The following C15orf40 variants were observed in gnomAD, a reference collection of about 807,000 sequenced individuals.
C15orf40 encodes the protein chromosome 15 open reading frame 40, also known as UPF0235 protein C15orf40.
C15orf40 carries 9 observed loss-of-function variants against 13.9 expected under a neutral mutation model. The observed-to-expected ratio is 0.65, with a 90% CI of 0.39 to 1.13. C15orf40 has a LOEUF of 1.13. C15orf40 is among the 50% of genes most tolerant of loss of function. The pLI, the probability that C15orf40 is intolerant of heterozygous loss-of-function variation, is 0.01. For missense variants in C15orf40, 225 were observed against 188.5 expected (o/e 1.19, Z -1.13); for synonymous variants, 95 against 69.2 (o/e 1.37, Z -1.85).
At position 83,008,590 on chromosome 15, in the gene C15orf40, G is replaced by A. The variant is rs2031826585; in HGVS notation, c.324C>T (p.Ser108=). ...CACTCTTCCTGAGTTCTAGGACCTT[G>A]GAAAGATACCGACAGAGCTCAGCAT... ...EANAELCRYL[S]KVLELRKSDV... The change falls in exon 3 of 4, where the codon TCC becomes TCT. Residue 108 remains serine, a synonymous_variant. Coordinates refer to ENST00000304177, the MANE Select transcript of C15orf40 (RefSeq NM_144597.3). 1 of 1,613,750 alleles carries A rather than the reference G, an allele frequency of 6.2e-7. No individual in the cohort carries two copies. The highest frequency in any genetic ancestry group is 8.5e-7 in the Non-Finnish European group (1 of 1,179,936).
At chr15:82,992,861 T>C (rs1314070968), downstream of C15orf40, among the ~76,000 whole-genome samples, 1 of 152,238 alleles carries the variant, frequency 6.6e-6, no homozygotes, top group African/African-American at 2.4e-5. Flanking sequence ...GGTTTTTGTT[T>C]TTTAACAGCA....
Position 83,004,381 on chromosome 15 carries a change from G to A in C15orf40, c.*1216C>T. 1 of 984,810 alleles carries A rather than the reference G, an allele frequency of 1.0e-6. No individual in the cohort carries two copies. Among genetic ancestry groups the A allele is most frequent in the African/African-American group, 1.7e-5 (1 of 57,348 alleles). 61.0% of individuals were successfully genotyped at this position (984,810 alleles called of 1,614,324 possible). On this transcript the variant is annotated 3_prime_UTR_variant, in exon 4 of 4. Transcript: ENST00000304177. ...TACTTGCTGGACAAAGCGCACAACT[G>A]CAGATCAGCTCTCCTGATCAGCAAA...
In C15orf40 at chr15:83,005,712, G is replaced by A. The variant is rs2151286788; in HGVS notation, c.367-20C>T. The stretch of plus-strand genomic sequence containing the variant: ...ACCACCCTGGACCAAAAGAGAAAAA[G>A]CATACTTTACTGTTTAGCACATTCT... On this transcript the variant is annotated intron_variant, in intron 3 of 3. Transcript: ENST00000304177. 6.2e-7 allele frequency: 1 copy of A among 1,608,228 alleles called. No individual in the cohort carries two copies. The highest frequency in any genetic ancestry group is 8.5e-7 in the Non-Finnish European group (1 of 1,177,822).
At position 83,008,565 on chromosome 15, in the gene C15orf40, C is replaced by T; in HGVS notation, c.349G>A (p.Asp117Asn). Residue 117 changes from aspartate (D) to asparagine (N), a missense_variant, in exon 3 of 4, where the codon GAT (aspartate) becomes AAT (asparagine). By Grantham distance (23) the Asp-to-Asn change is conservative. Coordinates refer to ENST00000304177, the MANE Select transcript of C15orf40 (RefSeq NM_144597.3). ...LSKVLELRKS[D>N]VVLDKGGKSR... ...AGACCTACCTTATCCAAAACCACAT[C>T]ACTCTTCCTGAGTTCTAGGACCTTG... 4 of 1,613,506 alleles carry T rather than the reference C, an allele frequency of 2.5e-6. No homozygotes were observed. Among genetic ancestry groups the T allele is most frequent in the Non-Finnish European group, 3.4e-6 (4 of 1,179,742 alleles).
At chr15:82,990,940 T>C (rs903922998), downstream of C15orf40, 5 of 289,468 alleles carry the variant, frequency 1.7e-5, no homozygotes, top group Admixed American at 4.8e-5. Flanking sequence ...CTCCTATAAA[T>C]AGTGATGCTA....
chr15:83,006,720 T>G (rs2031704773), intron 3 of C15orf40, among the ~76,000 whole-genome samples: 1 of 152,150 alleles, frequency 6.6e-6, no homozygotes. Flanking sequence ...GAGCCGAGAT[T>G]GCGCCATCGC....
At chr15:83,005,824 A>C (rs1014116602) in intron 3 of C15orf40, 132 bp from the exon 4 acceptor site, 8 of 1,295,066 alleles carry the variant, frequency 6.2e-6, no homozygotes, top group Middle Eastern at 2.9e-4. Flanking sequence ...ACCAAAGACT[A>C]TCTCTTAGAT....
downstream of C15orf40, chr15:82,992,133 T>C (rs1596397433): frequency 2.7e-6 from 1 of 370,498 alleles, no homozygotes; most frequent in South Asian, 2.0e-5. Flanking sequence ...GGAGGCTCCC[T>C]TGAGTCCGGG....
chr15:83,009,728 GAAAGCCTCT>G (rs1269731927), intron 2 of C15orf40, among the ~76,000 whole-genome samples: 1 of 152,192 alleles, frequency 6.6e-6, no homozygotes, highest in Admixed American at 6.5e-5. Flanking sequence ...AGAATAGCCT[GAAAGCCTCT>G]AACTTAGTCC....
At position 82,994,820 on chromosome 15, in the gene C15orf40, A is replaced by G. The variant is rs2030985849; in HGVS notation, c.*10777T>C. ...TGTGAAAAATTATATAAGGTACTCAAAGAATCTTCGTTCTGTTTATTTATG... is the reference window on the plus strand; with the variant it reads ...TGTGAAAAATTATATAAGGTACTCAGAGAATCTTCGTTCTGTTTATTTATG... On this transcript the variant is annotated 3_prime_UTR_variant, in exon 4 of 4. Transcript: ENST00000304177. 6.6e-6 allele frequency: 1 copy of G among 152,198 alleles called. No homozygotes were observed. Among genetic ancestry groups the G allele is most frequent in the African/African-American group, 2.4e-5 (1 of 41,460 alleles). 9.4% of individuals were successfully genotyped at this position (152,198 alleles called of 1,614,324 possible). A position where few individuals can be genotyped will look rare whatever the true frequency, so the allele number is the denominator to read the frequency against.
downstream of C15orf40, chr15:82,994,757 G>T: frequency 6.6e-6 from 1 of 151,954 alleles, no homozygotes; most frequent in Admixed American, 6.6e-5. Flanking sequence ...ATATAAATGA[G>T]GATTTTGAAA....
rs560337052 is a variant in C15orf40, at chr15:83,009,979, A to G, written c.238+258T>C. On this transcript the variant is annotated intron_variant, in intron 2 of 3. Coordinates refer to ENST00000304177, the MANE Select transcript of C15orf40 (RefSeq NM_144597.3). ...TAATCCAGACTACACACAAGTTTCCATAACTGTCCTTTCTAAAATACTGTA... is the reference window on the plus strand; with the variant it reads ...TAATCCAGACTACACACAAGTTTCCGTAACTGTCCTTTCTAAAATACTGTA... Among the ~76,000 whole-genome samples the G allele has an allele frequency of 5.3e-5, 8 of 152,340 alleles. No individual in the cohort carries two copies. In the South Asian group the frequency reaches 1.4e-3, roughly 28 times the overall value.
In C15orf40 at chr15:82,995,946, CAAG is replaced by C. The variant is rs2031051071; in HGVS notation, c.*9648_*9650del. 3 of 152,290 alleles carry C rather than the reference CAAG, an allele frequency of 2.0e-5. No homozygotes were observed. Among genetic ancestry groups the C allele is most frequent in the Admixed American group, 1.3e-4 (2 of 15,280 alleles). 9.4% of individuals were successfully genotyped at this position (152,290 alleles called of 1,614,324 possible). On this transcript the variant is annotated 3_prime_UTR_variant, in exon 4 of 4. Coordinates refer to ENST00000304177, the MANE Select transcript of C15orf40 (RefSeq NM_144597.3). ...GAGTTATCTGTGGGCTGCTTAGGTG[CAAG>C]AAGGACAAGTCGCATAATTTTCACC...
At position 83,001,092 on chromosome 15, in the gene C15orf40, C is replaced by T. The variant is rs995966982; in HGVS notation, c.*4505G>A. On this transcript the variant is annotated 3_prime_UTR_variant, in exon 4 of 4. Transcript: ENST00000304177. Reference sequence around the variant, plus strand: ...CCTCCCAAAGTGCTGGGATTACAGGCATAAGCCACTGCACTGGCCTAGGTG... The same window carrying T: ...CCTCCCAAAGTGCTGGGATTACAGGTATAAGCCACTGCACTGGCCTAGGTG... The T allele has an allele frequency of 5.1e-6, 5 of 985,320 alleles. No homozygotes were observed. Among genetic ancestry groups the T allele is most frequent in the Admixed American group, 6.1e-5 (1 of 16,276 alleles). The allele number at this position is 985,320 out of a possible 1,614,324, so 61.0% of individuals were successfully genotyped here. A position where few individuals can be genotyped will look rare whatever the true frequency, so the allele number is the denominator to read the frequency against.
Position 83,003,624 on chromosome 15 carries a change from AAACCAAGC to A in C15orf40, c.*1965_*1972del, listed in dbSNP as rs1264304294. The A allele has an allele frequency of 6.6e-6, 1 of 152,252 alleles. No homozygotes were observed. Among genetic ancestry groups the A allele is most frequent in the Non-Finnish European group, 1.5e-5 (1 of 68,050 alleles). 9.4% of individuals were successfully genotyped at this position (152,252 alleles called of 1,614,324 possible). On this transcript the variant is annotated 3_prime_UTR_variant, in exon 4 of 4. Coordinates refer to ENST00000304177, the MANE Select transcript of C15orf40 (RefSeq NM_144597.3). The stretch of plus-strand genomic sequence containing the variant: ...TTTAGAAGACAAAGCAGCTGGGCTT[AAACCAAGC>A]TCTGCCATTAATGTGCACTGTGATC...
At chr15:82,994,451 C>T (rs1266064978), downstream of C15orf40, among the ~76,000 whole-genome samples, 2 of 152,162 alleles carry the variant, frequency 1.3e-5, no homozygotes, top group African/African-American at 2.4e-5. Context: ...AATCCAAACA[C>T]AGATCTGGCT....
chr15:83,008,775 GA>G, intron 2 of C15orf40, 100 bp from the exon 3 acceptor site: 2 of 1,308,586 alleles, frequency 1.5e-6, no homozygotes, highest in Non-Finnish European at 2.1e-6. Context: ...CTGGCACACA[GA>G]TTTTCAATTA....
downstream of C15orf40, chr15:82,988,990 A>G (rs552300979): frequency 1.3e-6 from 2 of 1,558,040 alleles, no homozygotes; most frequent in Middle Eastern, 1.7e-4. Flanking sequence ...TTTAATGGAA[A>G]TGTCTTTAAA....
In C15orf40 at chr15:83,008,678, G is replaced by A; in HGVS notation, c.239-3C>T. Reference sequence around the variant, plus strand: ...ATTTACAGCCTCTGCTGTCAAATCTGGAATGAAAATAGTGTGGACTTTATC... The same window carrying A: ...ATTTACAGCCTCTGCTGTCAAATCTAGAATGAAAATAGTGTGGACTTTATC... On this transcript the variant is annotated splice_region_variant and splice_polypyrimidine_tract_variant and intron_variant, in intron 2 of 3. Coordinates refer to ENST00000304177, the MANE Select transcript of C15orf40 (RefSeq NM_144597.3). The A allele has an allele frequency of 6.2e-7, 1 of 1,600,002 alleles. No homozygotes were observed. The highest frequency in any genetic ancestry group is 8.5e-7 in the Non-Finnish European group (1 of 1,174,974).
Sources: gnomAD v4.1 joint callset for allele counts (sites outside exome capture counted in the v4.1 genomes callset) on GRCh38, gnomAD v4.1.1 for gene constraint, MANE v1.5 for transcripts, NCBI Gene and HGNC (gene_info 2026-07-23, HGNC 2026-07-21) for gene names.